Variants in CLIP2 observed in about 807,000 individuals in gnomAD.
CLIP2 encodes CAP-Gly domain containing linker protein 2.
Under a neutral mutation model 111.7 loss-of-function variants are expected in CLIP2, and 41 were observed. That is an observed-to-expected ratio of 0.37 (90% confidence interval 0.29 to 0.48). CLIP2 has a LOEUF of 0.48. Among genes scored for constraint, CLIP2 ranks in the 20% least tolerant of loss-of-function variants. The pLI is 0.99. For synonymous variants in CLIP2, 660 were observed against 644.2 expected (o/e 1.02, Z -0.37); for missense variants, 1,160 against 1,422.1 (o/e 0.82, Z 2.96).
Position 74,405,783 on chromosome 7 carries a change from G to A in CLIP2, c.*1935G>A, listed in dbSNP as rs1364312531. 2.6e-5 allele frequency: 4 copies of A among 152,622 alleles called. No individual in the cohort carries two copies. Among genetic ancestry groups the A allele is most frequent in the African/African-American group, 7.2e-5 (3 of 41,448 alleles). The allele number at this position is 152,622 out of a possible 1,614,324, so 9.5% of individuals were successfully genotyped here. A position where few individuals can be genotyped will look rare whatever the true frequency, so the allele number is the denominator to read the frequency against. On this transcript the variant is annotated 3_prime_UTR_variant, in exon 17 of 17. Transcript: ENST00000223398. ...TTTCCTTGGGAGCTTCTGCCTCCGTGGGCCTCTCAGCCCGCCCCGTGTGGC... is the reference window on the plus strand; with the variant it reads ...TTTCCTTGGGAGCTTCTGCCTCCGTAGGCCTCTCAGCCCGCCCCGTGTGGC...
At chr7:74,356,310 TTC>T in intron 4 of CLIP2, 98 bp from the exon 5 acceptor site, 1 of 990,600 alleles carries the variant, frequency 1.0e-6, no homozygotes, top group Admixed American at 1.8e-5. Context: ...GGAGGTGTCT[TTC>T]TCTCTTTCTG....
chr7:74,376,431 T>C lies in CLIP2; in HGVS notation c.2030T>C (p.Met677Thr), dbSNP rs782466431. 1 of 1,613,906 alleles carries C rather than the reference T, an allele frequency of 6.2e-7. No individual in the cohort carries two copies. The highest frequency in any genetic ancestry group is 1.1e-5 in the South Asian group (1 of 91,080). The change falls in exon 10 of 17, where the codon ATG becomes ACG. Residue 677 changes from methionine to threonine, a missense_variant. Around this residue, in one of 5 missense-constraint regions of CLIP2, gnomAD observed 676 missense variants for 777.8 expected, o/e 0.87. Transcript: ENST00000223398. This position sits in a 1 kb window ranked among gnomAD's most constrained non-coding sequence, Gnocchi z 7.1. ...LQAKHDLETA[M>T]HVKEKEALRE... Reference sequence around the variant, plus strand: ...GCCAAGCATGACCTGGAGACCGCCATGCACGTGAAGGAGAAGGAGGCCCTG... The same window carrying C: ...GCCAAGCATGACCTGGAGACCGCCACGCACGTGAAGGAGAAGGAGGCCCTG...
At chr7:74,386,714 C>G in intron 12 of CLIP2, 110 bp downstream of exon 12, 1 of 764,334 alleles carries the variant, frequency 1.3e-6, no homozygotes, top group Non-Finnish European at 2.0e-6. Flanking sequence ...GTCCCCTCCC[C>G]GACTCTGCTT....
intron 1 of CLIP2, among the ~76,000 whole-genome samples, chr7:74,306,590 G>A (rs1191774522): frequency 1.3e-5 from 2 of 152,138 alleles, no homozygotes; most frequent in East Asian, 1.9e-4. Context: ...GCTGCAGCCC[G>A]CCACCCCCGG....
intron 1 of CLIP2, among the ~76,000 whole-genome samples, chr7:74,313,485 G>A (rs557927164): frequency 4.6e-4 from 70 of 151,914 alleles, no homozygotes; most frequent in Admixed American, 8.5e-4. Context: ...GCATGAACCC[G>A]GAAGGCAGAG....
intron 3 of CLIP2, among the ~76,000 whole-genome samples, chr7:74,351,132 A>G (rs990335674): frequency 2.8e-5 from 4 of 144,974 alleles, no homozygotes; most frequent in Non-Finnish European, 6.3e-5. Flanking sequence ...AGAGAGAAAG[A>G]AAGAGAGAGA....
chr7:74,353,473 A>C, intron 3 of CLIP2, among the ~76,000 whole-genome samples: 1 of 150,712 alleles, frequency 6.6e-6, no homozygotes, highest in African/African-American at 2.4e-5. Flanking sequence ...CTGGTCTTGA[A>C]CTCCTGACCT....
chr7:74,348,964 T>C (rs1789892798), intron 3 of CLIP2, among the ~76,000 whole-genome samples: 1 of 148,924 alleles, frequency 6.7e-6, no homozygotes. Context: ...CTGGGCAACA[T>C]GGTGAAACCT....
intron 6 of CLIP2, among the ~76,000 whole-genome samples, chr7:74,358,937 A>T (rs1790232679): frequency 6.6e-6 from 1 of 151,936 alleles, no homozygotes; most frequent in African/African-American, 2.4e-5. Flanking sequence ...ATCTGACGTG[A>T]CTAGTCCCCT....
At position 74,360,210 on chromosome 7, in the gene CLIP2, C is replaced by A; in HGVS notation, c.1251C>A (p.Ala417=). Residue 417 remains alanine, a synonymous_variant, in exon 7 of 17, where the codon GCC becomes GCA. Coordinates refer to ENST00000223398, the MANE Select transcript of CLIP2 (RefSeq NM_003388.5). ...AAGCCGAGGAGAAGCTGCAGCGAGC[C>A]CGGCTGCTCGTGGAGAGCGTGCGGA... is the stretch of plus-strand genomic sequence containing the variant. ...VAEAEEKLQR[A]RLLVESVRKE... is the part of the protein sequence containing the mutation. 7 of 1,608,178 alleles carry A rather than the reference C, an allele frequency of 4.4e-6. No individual in the cohort carries two copies. Among genetic ancestry groups the A allele is most frequent in the Non-Finnish European group, 5.9e-6 (7 of 1,177,570 alleles).
chr7:74,290,530 C>G (rs1787986243), intron 1 of CLIP2, among the ~76,000 whole-genome samples: 1 of 152,264 alleles, frequency 6.6e-6, no homozygotes, highest in South Asian at 2.1e-4. Context: ...CAGCCCCACC[C>G]TGGGAAGGAC....
chr7:74,366,957 G>A (rs1205326067), intron 8 of CLIP2, among the ~76,000 whole-genome samples: 7 of 151,026 alleles, frequency 4.6e-5, no homozygotes, highest in East Asian at 1.9e-4. Context: ...GAGGATTGCC[G>A]GCAGCCCCTG....
chr7:74,357,990 C>A (rs1790197580), intron 6 of CLIP2, among the ~76,000 whole-genome samples: 1 of 150,174 alleles, frequency 6.7e-6, no homozygotes, highest in Admixed American at 6.7e-5. Context: ...CTCCTGACCT[C>A]GTGATCCACC....
chr7:74,338,987 C>T lies in CLIP2; in HGVS notation c.661C>T (p.Leu221=). Residue 221 remains leucine (L), a synonymous_variant, in exon 3 of 17, where the codon CTG becomes TTG. Coordinates refer to ENST00000223398, the MANE Select transcript of CLIP2 (RefSeq NM_003388.5). The surrounding 1 kb of genome is among the most constrained non-coding windows in gnomAD (Gnocchi z 4.3). ...GAAGCGGGGCGAAAAGGACCTGCGC[C>T]TGGGGGACCGCGTGCTGGTGAGTGC... ...SVKRGEKDLR[L]GDRVLVGGTK... is the part of the protein sequence containing the mutation. 5 of 1,597,950 alleles carry T rather than the reference C, an allele frequency of 3.1e-6. No homozygotes were observed. Among genetic ancestry groups the T allele is most frequent in the Non-Finnish European group, 4.2e-6 (5 of 1,179,330 alleles).
At chr7:74,326,724 C>T (rs1789120153) in intron 2 of CLIP2, among the ~76,000 whole-genome samples, 1 of 152,006 alleles carries the variant, frequency 6.6e-6, no homozygotes, top group African/African-American at 2.4e-5. Context: ...GCAACCTCCA[C>T]CTCCTGGGTT....
intron 14 of CLIP2, among the ~76,000 whole-genome samples, chr7:74,397,509 T>C (rs1312914726): frequency 6.6e-6 from 1 of 151,968 alleles, no homozygotes; most frequent in Non-Finnish European, 1.5e-5. Flanking sequence ...GATGAGCCAA[T>C]ACAGGTAAAG....
In CLIP2 at chr7:74,404,186, C is replaced by G. The variant is rs1554318195; in HGVS notation, c.*338C>G. 1 of 335,082 alleles carries G rather than the reference C, an allele frequency of 3.0e-6. No individual in the cohort carries two copies. The highest frequency in any genetic ancestry group is 5.7e-6 in the Non-Finnish European group (1 of 174,802). 20.8% of individuals were successfully genotyped at this position (335,082 alleles called of 1,614,324 possible). A position where few individuals can be genotyped will look rare whatever the true frequency, so the allele number is the denominator to read the frequency against. ...TGTCCAGAAGGAGCTGCCCTGAGGACCATCTTAGCGGCCCTGTCCTCTTTT... is the reference window on the plus strand; with the variant it reads ...TGTCCAGAAGGAGCTGCCCTGAGGAGCATCTTAGCGGCCCTGTCCTCTTTT... On this transcript the variant is annotated 3_prime_UTR_variant, in exon 17 of 17. Transcript: ENST00000223398.
At position 74,338,954 on chromosome 7, in the gene CLIP2, G is replaced by A; in HGVS notation, c.628G>A (p.Gly210Ser). ...NESGSNLSDS[G>S]SVKRGEKDLR... ...GTCGGGATCCAACCTCTCAGACAGC[G>A]GCTCTGTGAAGCGGGGCGAAAAGGA... Residue 210 changes from glycine (G) to serine (S), a missense_variant, in exon 3 of 17, where the codon GGC becomes AGC. This residue lies in a region of CLIP2 where 301 missense variants were observed against 315.2 expected (regional missense o/e 0.96). Coordinates refer to ENST00000223398, the MANE Select transcript of CLIP2 (RefSeq NM_003388.5). The surrounding 1 kb of genome is among the most constrained non-coding windows in gnomAD (Gnocchi z 4.3). 3.1e-6 allele frequency: 5 copies of A among 1,599,722 alleles called. No individual in the cohort carries two copies. Among genetic ancestry groups the A allele is most frequent in the Non-Finnish European group, 4.2e-6 (5 of 1,179,850 alleles).
chr7:74,400,120 A>C (rs1791577520), intron 14 of CLIP2, among the ~76,000 whole-genome samples: 1 of 148,016 alleles, frequency 6.8e-6, no homozygotes, highest in Non-Finnish European at 1.5e-5. Context: ...ACTGCACTCC[A>C]GCCTAGGTGA....
Sources: allele counts gnomAD v4.1 joint callset (sites outside exome capture counted in the v4.1 genomes callset), GRCh38; gene constraint gnomAD v4.1.1; regional missense constraint gnomAD v4.1.1; non-coding constraint Gnocchi (gnomAD v3.1); transcripts MANE v1.5; gene names NCBI Gene and HGNC (gene_info 2026-07-23, HGNC 2026-07-21).